RARB: variants seen among roughly 807,000 people sequenced by gnomAD.
RARB encodes HBV-activated protein.
Under a neutral mutation model 51.9 loss-of-function variants are expected in RARB, and 17 were observed. The ratio of observed to expected loss-of-function variants is 0.33; its 90% CI spans 0.22 to 0.49. The LOEUF (loss-of-function observed/expected upper bound fraction) is 0.49, where lower values mean the gene tolerates loss of function less well. Ranked by LOEUF, RARB falls within the 20% of genes least tolerant of loss-of-function variation. The probability of loss-of-function intolerance (pLI) is 0.99; values close to 1 mark genes in which losing one functional copy is unlikely to be tolerated. For missense variants in RARB, 369 were observed against 550.8 expected, an observed-to-expected ratio of 0.67 and a Z score of 3.30; for synonymous variants, 215 against 195.4, an observed-to-expected ratio of 1.10 and a Z score of -0.84.
chr3:25,103,768 G>A (rs902854589), intron 3 of RARB, among the ~76,000 whole-genome samples: 1 of 152,182 alleles, frequency 6.6e-6, no homozygotes, highest in Non-Finnish European at 1.5e-5. Context: ...TATTATGAAT[G>A]GGGTTCTTAT....
chr3:25,524,704 C>T (rs1286754), intron 3 of RARB, among the ~76,000 whole-genome samples: 83,823 of 149,806 alleles, frequency 0.56, 26,580 homozygotes, highest in African/African-American at 0.87. Flanking sequence ...TCCCTTTTTC[C>T]TCCCATGTTT....
At chr3:24,978,433 C>G (rs1161058984) in intron 2 of RARB, among the ~76,000 whole-genome samples, 1 of 152,088 alleles carries the variant, frequency 6.6e-6, no homozygotes, top group African/African-American at 2.4e-5. Context: ...AATTTCAGAA[C>G]CTGTTATTGG....
At chr3:25,500,166 T>A (rs1222890776) in intron 2 of RARB, among the ~76,000 whole-genome samples, 1 of 152,220 alleles carries the variant, frequency 6.6e-6, no homozygotes, top group Non-Finnish European at 1.5e-5. Context: ...GCATTTGAAA[T>A]GTAGCTAATG....
At chr3:24,988,358 T>C (rs1424817540) in intron 2 of RARB, among the ~76,000 whole-genome samples, 1 of 152,228 alleles carries the variant, frequency 6.6e-6, no homozygotes, top group Non-Finnish European at 1.5e-5. Context: ...TTTTTAATCA[T>C]GTTTTTAAAA....
chr3:25,421,210 AG>A (rs1707848955), intron 5 of RARB, among the ~76,000 whole-genome samples: 1 of 151,908 alleles, frequency 6.6e-6, no homozygotes, highest in African/African-American at 2.4e-5. Context: ...AAATTCTCTT[AG>A]AGAACTTGCC....
intron 2 of RARB, among the ~76,000 whole-genome samples, chr3:25,486,423 A>T (rs2125587365): frequency 1.3e-5 from 2 of 152,316 alleles, no homozygotes; most frequent in East Asian, 3.9e-4. Flanking sequence ...GTAGAGGTAG[A>T]AGTCACTTAA....
chr3:25,405,434 C>A (rs1485703547), intron 5 of RARB, among the ~76,000 whole-genome samples: 1 of 152,148 alleles, frequency 6.6e-6, no homozygotes, highest in Non-Finnish European at 1.5e-5. Flanking sequence ...ATAAGCATTG[C>A]TAAACATCAG....
chr3:25,203,068 A>C (rs1307053004), intron 5 of RARB, among the ~76,000 whole-genome samples: 2 of 152,172 alleles, frequency 1.3e-5, no homozygotes, highest in African/African-American at 4.8e-5. Flanking sequence ...TGGAAGTCTA[A>C]GTCTCTTTGT....
chr3:25,284,153 T>G (rs1703593277), intron 5 of RARB, among the ~76,000 whole-genome samples: 1 of 152,168 alleles, frequency 6.6e-6, no homozygotes, highest in Non-Finnish European at 1.5e-5. Flanking sequence ...CCAACACCAG[T>G]AGAGGAACTA....
intron 3 of RARB, among the ~76,000 whole-genome samples, chr3:25,550,207 C>T (rs906535591): frequency 6.6e-6 from 1 of 152,186 alleles, no homozygotes; most frequent in African/African-American, 2.4e-5. Flanking sequence ...AATCTGTCTA[C>T]ATTTTTGAAA....
chr3:25,185,844 A>G (rs957661720), intron 5 of RARB, among the ~76,000 whole-genome samples: 4 of 152,166 alleles, frequency 2.6e-5, no homozygotes, highest in Non-Finnish European at 5.9e-5. Flanking sequence ...GTATGCCACT[A>G]TTGATGATAA....
At chr3:25,288,762 T>C (rs1398640958) in intron 5 of RARB, among the ~76,000 whole-genome samples, 3 of 123,242 alleles carry the variant, frequency 2.4e-5, no homozygotes, top group African/African-American at 3.6e-5. Flanking sequence ...ACTTTCCTCT[T>C]CTGTTCTTTT....
At chr3:25,525,370 A>T (rs1299524320) in intron 3 of RARB, among the ~76,000 whole-genome samples, 1 of 152,034 alleles carries the variant, frequency 6.6e-6, no homozygotes, top group Non-Finnish European at 1.5e-5. Context: ...GGATGAAGGT[A>T]GGAGGTATTT....
At chr3:25,029,290 C>T (rs1483118099) in intron 2 of RARB, among the ~76,000 whole-genome samples, 1 of 152,192 alleles carries the variant, frequency 6.6e-6, no homozygotes, top group Non-Finnish European at 1.5e-5. Context: ...ATCCTTCTAA[C>T]TCGTAAAATC....
chr3:25,121,948 A>G (rs955645948), intron 3 of RARB, among the ~76,000 whole-genome samples: 13 of 152,138 alleles, frequency 8.5e-5, no homozygotes, highest in African/African-American at 2.9e-4. Flanking sequence ...ATCTTAGTTC[A>G]GCCCTAAGAA....
intron 2 of RARB, among the ~76,000 whole-genome samples, chr3:24,914,044 T>G (rs1661305887): frequency 6.6e-6 from 1 of 152,176 alleles, no homozygotes; most frequent in Non-Finnish European, 1.5e-5. Flanking sequence ...GCCAAGATGG[T>G]GCCAATCACA....
chr3:25,479,633 A>G (rs1158398619), intron 2 of RARB, among the ~76,000 whole-genome samples: 1 of 152,228 alleles, frequency 6.6e-6, no homozygotes, highest in Non-Finnish European at 1.5e-5. Flanking sequence ...CTGAATTGTT[A>G]CTTTGTTAGT....
At chr3:25,163,068 A>G (rs1272789091) in intron 4 of RARB, among the ~76,000 whole-genome samples, 1 of 152,238 alleles carries the variant, frequency 6.6e-6, no homozygotes, top group East Asian at 1.9e-4. Flanking sequence ...ATGTCTGCAT[A>G]TCCTTCCATT....
intron 3 of RARB, among the ~76,000 whole-genome samples, chr3:25,546,901 A>C (rs1161561170): frequency 6.6e-6 from 1 of 152,220 alleles, no homozygotes; most frequent in Admixed American, 6.5e-5. Flanking sequence ...GTCATCAAAT[A>C]GTCTTTGAAA....
Sources: allele counts gnomAD v4.1 joint callset (sites outside exome capture counted in the v4.1 genomes callset), GRCh38; gene constraint gnomAD v4.1.1; transcripts MANE v1.5; gene names NCBI Gene and HGNC (gene_info 2026-07-23, HGNC 2026-07-21).